AKR1E2: variants seen among roughly 807,000 people sequenced by gnomAD.
AKR1E2 encodes 1,5-anhydro-D-fructose reductase.
In AKR1E2, 43 loss-of-function variants were observed where a neutral mutation model predicts 41.9. The ratio of observed to expected loss-of-function variants is 1.03; its 90% CI spans 0.80 to 1.32. The LOEUF (loss-of-function observed/expected upper bound fraction) is 1.32. Ranked by LOEUF, AKR1E2 falls within the 40% of genes most tolerant of loss-of-function variation. The pLI, the probability that AKR1E2 is intolerant of heterozygous loss-of-function variation, is 0.00. For synonymous variants in AKR1E2, 121 were observed against 138.9 expected, an observed-to-expected ratio of 0.87 and a Z score of 0.91; for missense variants, 423 against 396.5, an observed-to-expected ratio of 1.07 and a Z score of -0.57.
At chr10:4,846,474 G>T (rs1000509617) in intron 8 of AKR1E2, among the ~76,000 whole-genome samples, 1 of 152,148 alleles carries the variant, frequency 6.6e-6, no homozygotes, top group Non-Finnish European at 1.5e-5. Context: ...TCCCTAGTTG[G>T]CAGGTGTATG....
chr10:4,870,863 C>T, the AKR1E2 span, among the ~76,000 whole-genome samples: 3 of 152,098 alleles, frequency 2.0e-5, no homozygotes, highest in Non-Finnish European at 4.4e-5. Flanking sequence ...GCCATTATTT[C>T]TCTAAGCACT....
the AKR1E2 span, among the ~76,000 whole-genome samples, chr10:4,855,096 A>G: frequency 0.26 from 39,487 of 151,996 alleles, 5,347 homozygotes; most frequent in Middle Eastern, 0.37. Context: ...TGCCACCTGA[A>G]CTTTTCAGTG....
chr10:4,867,652 A>G, the AKR1E2 span, among the ~76,000 whole-genome samples: 1 of 152,240 alleles, frequency 6.6e-6, no homozygotes, highest in Non-Finnish European at 1.5e-5. Flanking sequence ...GTAGGATTGC[A>G]TGGCAAAGAT....
the AKR1E2 span, among the ~76,000 whole-genome samples, chr10:4,860,323 G>A: frequency 2.0e-5 from 3 of 152,136 alleles, no homozygotes; most frequent in South Asian, 2.1e-4. Flanking sequence ...CTCTCTTCAC[G>A]GTGCCATTGC....
chr10:4,862,590 A>G, the AKR1E2 span, among the ~76,000 whole-genome samples: 1 of 152,158 alleles, frequency 6.6e-6, no homozygotes, highest in African/African-American at 2.4e-5. Context: ...ATTTGTTTGT[A>G]TCCTCTTTTA....
Position 4,841,855 on chromosome 10 carries a change from C to T in AKR1E2, c.751C>T (p.Gln251Ter), listed in dbSNP as rs953893240. 3.2e-5 allele frequency: 51 copies of T among 1,613,220 alleles called. No individual in the cohort carries two copies. The highest frequency in any genetic ancestry group is 4.2e-5 in the Non-Finnish European group (50 of 1,179,724). Residue 251 changes from glutamine (Q) to a stop codon, truncating the protein, a stop_gained and splice_region_variant, in exon 7 of 10, where the codon CAG becomes TAG. Transcript: ENST00000298375. LOFTEE classifies it high-confidence loss of function. Reference protein sequence around the residue: ...IAKEHGKSPAQILIRFQIQRN... With the variant: ...IAKEHGKSPA Reference sequence around the variant, plus strand: ...AAAGGAGCACGGCAAGTCTCCTGCTCAGGTAGGGAGGGAGGGCTGTTCTGA... The same window carrying T: ...AAAGGAGCACGGCAAGTCTCCTGCTTAGGTAGGGAGGGAGGGCTGTTCTGA...
At chr10:4,829,978 C>G (rs1832844670) in intron 1 of AKR1E2, among the ~76,000 whole-genome samples, 1 of 152,152 alleles carries the variant, frequency 6.6e-6, no homozygotes, top group South Asian at 2.1e-4. Context: ...ATACTTGGTT[C>G]ATTAGCTTTC....
intron 1 of AKR1E2, among the ~76,000 whole-genome samples, chr10:4,826,956 G>A (rs555288845): frequency 5.5e-4 from 84 of 151,758 alleles, no homozygotes; most frequent in African/African-American, 1.9e-3. Flanking sequence ...CGCGCCTGTG[G>A]TCCCAGCTAC....
upstream of AKR1E2, chr10:4,826,037 T>A (rs1242772724): frequency 5.2e-6 from 2 of 385,082 alleles, no homozygotes; most frequent in Non-Finnish European, 9.2e-6. Flanking sequence ...AATCAGGATG[T>A]CCAGAGCGCG....
At chr10:4,834,690 A>G (rs905786818) in intron 3 of AKR1E2, among the ~76,000 whole-genome samples, 1 of 152,256 alleles carries the variant, frequency 6.6e-6, no homozygotes, top group African/African-American at 2.4e-5. Flanking sequence ...GCCCAGAAGC[A>G]TATGCTCAGG....
chr10:4,854,710 A>T, the AKR1E2 span, among the ~76,000 whole-genome samples: 4 of 152,124 alleles, frequency 2.6e-5, no homozygotes, highest in South Asian at 8.3e-4. Flanking sequence ...TGGGGTGTGT[A>T]TACCCAGGTA....
the AKR1E2 span, among the ~76,000 whole-genome samples, chr10:4,856,007 G>T: frequency 6.6e-6 from 1 of 152,150 alleles, no homozygotes; most frequent in Non-Finnish European, 1.5e-5. Flanking sequence ...GTCCTAGCCT[G>T]CACACCTAGT....
chr10:4,826,306 G>C lies in AKR1E2; in HGVS notation c.-19G>C, dbSNP rs952782237. 6.5e-6 allele frequency: 8 copies of C among 1,232,418 alleles called. No individual in the cohort carries two copies. Among genetic ancestry groups the C allele is most frequent in the Non-Finnish European group, 8.1e-6 (8 of 987,130 alleles). 76.3% of individuals were successfully genotyped at this position (1,232,418 alleles called of 1,614,324 possible). ...GTCGCGTGCGGGGCGGCGGGGCGGC[G>C]GGGCGGCCGGCGGCGGCCATGGGAG... On this transcript the variant is annotated 5_prime_UTR_variant, in exon 1 of 10. Coordinates refer to ENST00000298375, the MANE Select transcript of AKR1E2 (RefSeq NM_001040177.3).
chr10:4,852,009 G>A (rs1834534361), downstream of AKR1E2, among the ~76,000 whole-genome samples: 1 of 152,154 alleles, frequency 6.6e-6, no homozygotes, highest in Non-Finnish European at 1.5e-5. Flanking sequence ...TCCGTTCCAT[G>A]TGACGCCAGT....
chr10:4,840,574 C>T (rs530970748), intron 6 of AKR1E2, among the ~76,000 whole-genome samples: 1 of 152,286 alleles, frequency 6.6e-6, no homozygotes, highest in South Asian at 2.1e-4. Context: ...TGAGATGCAG[C>T]CAGCCTGACC....
chr10:4,831,530 G>C (rs112210480), intron 2 of AKR1E2, among the ~76,000 whole-genome samples: 5,306 of 152,264 alleles, frequency 0.035, 149 homozygotes, highest in East Asian at 0.11. Flanking sequence ...ACCATCAGTT[G>C]TCACGAGACT....
the AKR1E2 span, among the ~76,000 whole-genome samples, chr10:4,859,462 A>G: frequency 6.6e-6 from 1 of 152,248 alleles, no homozygotes; most frequent in African/African-American, 2.4e-5. Flanking sequence ...AGAAAGAAAA[A>G]CAGTCAGAAA....
the AKR1E2 span, among the ~76,000 whole-genome samples, chr10:4,859,309 C>G: frequency 6.6e-6 from 1 of 152,136 alleles, no homozygotes; most frequent in Non-Finnish European, 1.5e-5. Context: ...AAATATCAGG[C>G]ACAACAAATG....
rs34195821 is a variant in AKR1E2 at position 4,847,534 on chromosome 10, C to CA, written c.*4_*5insA. 68,472 of 1,613,242 alleles carry CA rather than the reference C, an allele frequency of 0.042. 1,817 individuals carry two copies. The highest frequency in any genetic ancestry group is 0.12 in the East Asian group (5,518 of 44,860). On this transcript the variant is annotated 3_prime_UTR_variant, in exon 10 of 10. Transcript: ENST00000298375. ...TCCTTTCCACATAGAATACTGAGGA[C>CA]GCTTCCCCTTCCTTGTTTCTGCTCA... is the stretch of plus-strand genomic sequence containing the variant.
Sources: allele counts gnomAD v4.1 joint callset (sites outside exome capture counted in the v4.1 genomes callset), GRCh38; gene constraint gnomAD v4.1.1; transcripts MANE v1.5; gene names NCBI Gene and HGNC (gene_info 2026-07-23, HGNC 2026-07-21).